The following RPL24 variants were observed in gnomAD, a reference collection of about 807,000 sequenced individuals.
The protein encoded by RPL24 is ribosomal protein L24.
Under a neutral mutation model 26.4 loss-of-function variants are expected in RPL24, and 7 were observed. The observed-to-expected ratio is 0.27, with a 90% CI of 0.15 to 0.50. The LOEUF (loss-of-function observed/expected upper bound fraction) is 0.50. Ranked by LOEUF, RPL24 falls within the 20% of genes least tolerant of loss-of-function variation. RPL24 has a pLI of 0.98. For synonymous variants in RPL24, 67 were observed against 65.2 expected (o/e 1.03, Z -0.13); for missense variants, 109 against 194.9 (o/e 0.56, Z 2.62).
At chr3:101,681,677 CA>C (rs1937265300) in intron 5 of RPL24, 1 of 158,020 alleles carries the variant, frequency 6.3e-6, no homozygotes, top group Non-Finnish European at 1.4e-5. Context: ...GAAACCATCT[CA>C]ACTAAAATAC....
chr3:101,686,466 C>T lies in RPL24; in HGVS notation c.81+16G>A, dbSNP rs781781288. The T allele has an allele frequency of 4.3e-6, 7 of 1,611,444 alleles. No homozygotes were observed. The African/African-American group carries it at 9.4e-5, about 22-fold the overall frequency. On this transcript the variant is annotated intron_variant, in intron 2 of 5. Coordinates refer to ENST00000394077, the MANE Select transcript of RPL24 (RefSeq NM_000986.4). ...CGGAGTACAAGAAGGTAGGTGAAGC[C>T]GACGCGGCTTTTTACCTTCCCGTCG...
At chr3:101,684,819 A>G (rs1381727410) in intron 3 of RPL24, among the ~76,000 whole-genome samples, 2 of 133,966 alleles carry the variant, frequency 1.5e-5, no homozygotes, top group East Asian at 2.4e-4. Context: ...AAAAAGGTAT[A>G]GTGGCCTTAT....
Position 101,681,196 on chromosome 3 carries a change from G to C in RPL24, c.413C>G (p.Pro138Arg). 6.2e-7 allele frequency: 1 copy of C among 1,613,712 alleles called. No homozygotes were observed. Among genetic ancestry groups the C allele is most frequent in the Non-Finnish European group, 8.5e-7 (1 of 1,179,682 alleles). The stretch of plus-strand genomic sequence containing the variant: ...CACAGGCTTCACAATCTTTTGCTTA[G>C]GTGCTGCCTTTGTAGGTGCCTGTAA... ...AAAKAPTKAA[P>R]KQKIVKPVKV... Residue 138 changes from proline (P) to arginine (R), a missense_variant, in exon 6 of 6, where the codon CCT becomes CGT. Pro to Arg is a moderately radical substitution (Grantham distance 103). Transcript: ENST00000394077.
intron 3 of RPL24, among the ~76,000 whole-genome samples, chr3:101,683,901 C>T (rs1328391039): frequency 2.0e-5 from 3 of 151,502 alleles, no homozygotes; most frequent in Non-Finnish European, 4.4e-5. Context: ...TAGTAGAAAC[C>T]GGGTTCCACC....
At chr3:101,682,609 CCATTT>C (rs1017914055) in intron 4 of RPL24, 117 bp from the exon 5 acceptor site, 3 of 1,118,926 alleles carry the variant, frequency 2.7e-6, no homozygotes, top group Admixed American at 2.2e-5. Context: ...TTCCCTACCT[CCATTT>C]ATTTGTAGGC....
chr3:101,682,977 T>C, intron 3 of RPL24, 70 bp from the exon 4 acceptor site: 1 of 1,444,932 alleles, frequency 6.9e-7, no homozygotes, highest in East Asian at 2.3e-5. Flanking sequence ...AAAAATTAAG[T>C]CTTTTAAGAC....
At position 101,681,125 on chromosome 3, in the gene RPL24, A is replaced by G. The variant is rs1489417286; in HGVS notation, c.*10T>C. 5 of 1,593,158 alleles carry G rather than the reference A, an allele frequency of 3.1e-6. No homozygotes were observed. The highest frequency in any genetic ancestry group is 3.3e-5 in the Admixed American group (2 of 59,900). ...AATCCAATCTTTATTTAAAAATCTAATCTGCCAGTTTAGCGTTTTCCACCA... is the reference window on the plus strand; with the variant it reads ...AATCCAATCTTTATTTAAAAATCTAGTCTGCCAGTTTAGCGTTTTCCACCA... On this transcript the variant is annotated 3_prime_UTR_variant, in exon 6 of 6. Coordinates refer to ENST00000394077, the MANE Select transcript of RPL24 (RefSeq NM_000986.4).
At chr3:101,682,133 CCTGAGGT>C (rs1418342103) in intron 5 of RPL24, 4 of 299,192 alleles carry the variant, frequency 1.3e-5, no homozygotes, top group African/African-American at 8.7e-5. Flanking sequence ...GGGCAGATCA[CCTGAGGT>C]CAAGAGTTCA....
chr3:101,686,331 G>C lies in RPL24; in HGVS notation c.81+151C>G, dbSNP rs1937341492. On this transcript the variant is annotated intron_variant, in intron 2 of 5. Transcript: ENST00000394077. ...ATAATCAACACTGGTTCACTTAGAG[G>C]TTTCTGGTCCTAACGACCAGTCCAC... 3 of 639,516 alleles carry C rather than the reference G, an allele frequency of 4.7e-6. No homozygotes were observed. In the South Asian group the frequency reaches 5.9e-5, roughly 13 times the overall value. 39.6% of individuals were successfully genotyped at this position (639,516 alleles called of 1,614,324 possible).
intron 3 of RPL24, among the ~76,000 whole-genome samples, chr3:101,685,536 T>C (rs1159944373): frequency 6.6e-6 from 1 of 152,194 alleles, no homozygotes; most frequent in African/African-American, 2.4e-5. Flanking sequence ...TATGGTAACT[T>C]CTCAATTTCC....
intron 3 of RPL24, among the ~76,000 whole-genome samples, 175 bp from the exon 4 acceptor site, chr3:101,683,082 T>C (rs1448774400): frequency 1.3e-5 from 2 of 152,212 alleles, no homozygotes; most frequent in South Asian, 2.1e-4. Context: ...AAGCCCTCTA[T>C]TACAAATCCT....
At chr3:101,681,368 A>G (rs370223666) in intron 5 of RPL24, 153 bp from the exon 6 acceptor site, 6 of 621,024 alleles carry the variant, frequency 9.7e-6, no homozygotes, top group South Asian at 4.0e-5. Flanking sequence ...CTACCCTTAA[A>G]TATTTAAAGC....
chr3:101,682,924 A>AG lies in RPL24; in HGVS notation c.193-18dup. 1 of 1,611,710 alleles carries AG rather than the reference A, an allele frequency of 6.2e-7. No homozygotes were observed. Among genetic ancestry groups the AG allele is most frequent in the Non-Finnish European group, 8.5e-7 (1 of 1,178,494 alleles). ...AATTTCTTCCTGCAAAACAAAGATG[A>AG]GGGGCACACTTAGGAACCTTCCTTC... On this transcript the variant is annotated splice_polypyrimidine_tract_variant and intron_variant, in intron 3 of 5. Coordinates refer to ENST00000394077, the MANE Select transcript of RPL24 (RefSeq NM_000986.4).
At chr3:101,682,290 C>CG in intron 5 of RPL24, 139 bp downstream of exon 5, 1 of 708,482 alleles carries the variant, frequency 1.4e-6, no homozygotes. Flanking sequence ...CACTTGAACC[C>CG]GGGAGGCAGA....
At position 101,686,522 on chromosome 3, in the gene RPL24, T is replaced by C. The variant is rs761499493; in HGVS notation, c.41A>G (p.Tyr14Cys). 4.3e-6 allele frequency: 7 copies of C among 1,614,092 alleles called. No homozygotes were observed. The South Asian group carries it at 7.7e-5, about 18-fold the overall frequency. ...GGCGTAGCGCCTCCCGTGTCCGGGG[T>C]AGATCTTGTACCCGCTAAAACTGCA... ...ELCSFSGYKI[Y>C]PGHGRRYART... The change falls in exon 2 of 6, where the codon TAC becomes TGC. Residue 14 changes from tyrosine (Y) to cysteine (C), a missense_variant. Tyr to Cys is a radical substitution (Grantham distance 194). Coordinates refer to ENST00000394077, the MANE Select transcript of RPL24 (RefSeq NM_000986.4).
chr3:101,686,172 G>C, intron 2 of RPL24: 1 of 574,440 alleles, frequency 1.7e-6, no homozygotes, highest in Non-Finnish European at 3.1e-6. Flanking sequence ...ACAGGGTGGT[G>C]CGTCCTTCTG....
In RPL24 at chr3:101,681,208, G is replaced by A. The variant is rs113184191; in HGVS notation, c.401C>T (p.Thr134Ile). 1.3e-4 allele frequency: 205 copies of A among 1,612,074 alleles called. No individual in the cohort carries two copies. The Middle Eastern group carries it at 2.3e-3, about 18-fold the overall frequency. ...KTAMAAAKAP[T>I]KAAPKQKIVK... Reference sequence around the variant, plus strand: ...AATCTTTTGCTTAGGTGCTGCCTTTGTAGGTGCCTGTAAAAAGATAACACA... The same window carrying A: ...AATCTTTTGCTTAGGTGCTGCCTTTATAGGTGCCTGTAAAAAGATAACACA... The change falls in exon 6 of 6, where the codon ACA (threonine) becomes ATA (isoleucine). Residue 134 changes from threonine to isoleucine, a missense_variant. Physicochemically the swap from Thr to Ile is moderately conservative, Grantham distance 89. This residue lies in a region of RPL24 where 39 missense variants were observed against 80.3 expected (regional missense o/e 0.49). Transcript: ENST00000394077.
chr3:101,684,993 T>C (rs1002394228), intron 3 of RPL24, among the ~76,000 whole-genome samples: 2 of 151,926 alleles, frequency 1.3e-5, no homozygotes, highest in Non-Finnish European at 2.9e-5. Flanking sequence ...GACACTGATA[T>C]ACAAGTTATA....
At position 101,686,523 on chromosome 3, in the gene RPL24, A is replaced by T; in HGVS notation, c.40T>A (p.Tyr14Asn). 1.2e-6 allele frequency: 2 copies of T among 1,614,208 alleles called. No homozygotes were observed. The highest frequency in any genetic ancestry group is 1.3e-5 in the African/African-American group (1 of 75,070). The change falls in exon 2 of 6, where the codon TAC (tyrosine) becomes AAC (asparagine). Residue 14 changes from tyrosine to asparagine, a missense_variant. Tyr to Asn is a moderately radical substitution (Grantham distance 143). This residue lies in a region of RPL24 where 69 missense variants were observed against 96.2 expected (regional missense o/e 0.72). Transcript: ENST00000394077. ...GCGTAGCGCCTCCCGTGTCCGGGGT[A>T]GATCTTGTACCCGCTAAAACTGCAC... ...ELCSFSGYKI[Y>N]PGHGRRYART...
Sources: allele counts gnomAD v4.1 joint callset (sites outside exome capture counted in the v4.1 genomes callset), GRCh38; gene constraint gnomAD v4.1.1; regional missense constraint gnomAD v4.1.1; transcripts MANE v1.5; gene names NCBI Gene and HGNC (gene_info 2026-07-23, HGNC 2026-07-21).